Variants in DCUN1D4 observed in about 807,000 individuals in gnomAD.
DCUN1D4 encodes DCN1-like protein 4.
A neutral mutation model predicts 47.9 loss-of-function variants in DCUN1D4; 22 were observed. The ratio of observed to expected loss-of-function variants is 0.46; its 90% confidence interval spans 0.33 to 0.66. DCUN1D4 has a LOEUF of 0.66. DCUN1D4 is among the 30% of genes least tolerant of loss of function. The pLI is 0.02. For synonymous variants in DCUN1D4, 121 were observed against 112.2 expected (o/e 1.08, Z -0.50); for missense variants, 301 against 340.8 (o/e 0.88, Z 0.92).
intron 7 of DCUN1D4, among the ~76,000 whole-genome samples, chr4:51,895,429 GA>G (rs1731091775): frequency 6.6e-6 from 1 of 151,948 alleles, no homozygotes; most frequent in Non-Finnish European, 1.5e-5. Context: ...TGGGTGGTAT[GA>G]GAGTTTGGAC....
Position 51,848,840 on chromosome 4 carries a change from T to C in DCUN1D4, c.25+5573T>C, listed in dbSNP as rs114037789. ...TGTTCAATCTAGGAAGATAGGCTTG[T>C]CATTTGTAACTAATGTACTGAAAAA... is the stretch of plus-strand genomic sequence containing the variant. On this transcript the variant is annotated intron_variant, in intron 1 of 10. Transcript: ENST00000334635. Among the ~76,000 whole-genome samples the C allele has an allele frequency of 6.0e-3, 917 of 152,334 alleles. 4 individuals carry two copies. Among genetic ancestry groups the C allele is most frequent in the Non-Finnish European group, 9.5e-3 (644 of 68,024 alleles).
chr4:51,907,922 A>C (rs1733140880), intron 8 of DCUN1D4, among the ~76,000 whole-genome samples: 1 of 152,202 alleles, frequency 6.6e-6, no homozygotes, highest in Non-Finnish European at 1.5e-5. Flanking sequence ...GTCACCTTTT[A>C]GAGGAGAACC....
At chr4:51,888,637 T>G (rs902188577) in intron 6 of DCUN1D4, among the ~76,000 whole-genome samples, 5 of 150,654 alleles carry the variant, frequency 3.3e-5, no homozygotes, top group Admixed American at 2.0e-4. Context: ...GAGAATCGCT[T>G]GAACCCAGGA....
intron 1 of DCUN1D4, among the ~76,000 whole-genome samples, chr4:51,857,246 A>G (rs1183018308): frequency 6.6e-6 from 1 of 152,034 alleles, no homozygotes; most frequent in East Asian, 1.9e-4. Context: ...TGTAAGCTAA[A>G]TATCTATTTT....
chr4:51,887,170 G>A (rs1286214794), intron 6 of DCUN1D4: 5 of 441,932 alleles, frequency 1.1e-5, no homozygotes, highest in African/African-American at 6.1e-5. Context: ...GTATGATGTC[G>A]GCTCACTGCA....
intron 4 of DCUN1D4, 29 bp downstream of exon 4, chr4:51,874,414 C>A: frequency 6.6e-7 from 1 of 1,525,636 alleles, no homozygotes; most frequent in Non-Finnish European, 9.0e-7. Flanking sequence ...AGATCAGAAT[C>A]AGTGATACAT....
chr4:51,877,954 G>GT, intron 5 of DCUN1D4, 100 bp downstream of exon 5: 1 of 731,042 alleles, frequency 1.4e-6, no homozygotes, highest in Non-Finnish European at 2.1e-6. Flanking sequence ...TTCAAATTTG[G>GT]GTGTGTGTGT....
chr4:51,847,661 G>T (rs749535587), intron 1 of DCUN1D4, among the ~76,000 whole-genome samples: 8 of 148,084 alleles, frequency 5.4e-5, no homozygotes, highest in Non-Finnish European at 1.0e-4. Context: ...TTGTTATGTT[G>T]CCTAGGCTGG....
intron 5 of DCUN1D4, among the ~76,000 whole-genome samples, chr4:51,881,572 A>C (rs1027728646): frequency 2.7e-5 from 4 of 150,376 alleles, no homozygotes; most frequent in Non-Finnish European, 5.9e-5. Flanking sequence ...TTCTTTCTGG[A>C]TTATTGTCAG....
intron 7 of DCUN1D4, among the ~76,000 whole-genome samples, chr4:51,898,673 A>G (rs1450172148): frequency 6.6e-6 from 1 of 152,214 alleles, no homozygotes; most frequent in Non-Finnish European, 1.5e-5. Flanking sequence ...TTGGATCTAA[A>G]TATAATCATA....
chr4:51,836,994 G>T, the DCUN1D4 span, among the ~76,000 whole-genome samples: 102 of 152,266 alleles, frequency 6.7e-4, 1 homozygote. Context: ...CAAATAAAAT[G>T]ATTATTCTTT....
At chr4:51,877,694 A>G in intron 4 of DCUN1D4, 69 bp from the exon 5 acceptor site, 8 of 948,966 alleles carry the variant, frequency 8.4e-6, no homozygotes, top group East Asian at 2.4e-5. Flanking sequence ...GTAAAAGAAT[A>G]TAAATTATCT....
At chr4:51,888,240 G>T (rs1729829537) in intron 6 of DCUN1D4, among the ~76,000 whole-genome samples, 2 of 152,104 alleles carry the variant, frequency 1.3e-5, no homozygotes, top group South Asian at 4.1e-4. Context: ...AAGACTGGGA[G>T]ACAAAGGGCT....
intron 1 of DCUN1D4, chr4:51,843,476 C>T (rs1721918248): frequency 3.3e-6 from 4 of 1,222,682 alleles, no homozygotes; most frequent in Non-Finnish European, 4.2e-6. Context: ...AAGGGACCGG[C>T]CTGCGGGGAG....
Position 51,899,381 on chromosome 4 carries a change from G to A in DCUN1D4, c.615+3G>A. ...GATATGCGTTTGACTTTGCACGGGT[G>A]AGTTCTCTGGAGCCTATCCAGATGT... is the stretch of plus-strand genomic sequence containing the variant. On this transcript the variant is annotated splice_donor_region_variant and intron_variant, in intron 8 of 10. Transcript: ENST00000334635. The A allele has an allele frequency of 6.2e-7, 1 of 1,601,186 alleles. No individual in the cohort carries two copies. The highest frequency in any genetic ancestry group is 1.1e-5 in the South Asian group (1 of 88,944).
At chr4:51,872,136 CTG>C (rs1005222894) in intron 3 of DCUN1D4, among the ~76,000 whole-genome samples, 3 of 152,346 alleles carry the variant, frequency 2.0e-5, no homozygotes, top group African/African-American at 7.2e-5. Flanking sequence ...CTGTCCAAGA[CTG>C]GGGTCTGGGA....
chr4:51,894,503 A>G (rs766283358), intron 7 of DCUN1D4, among the ~76,000 whole-genome samples: 76 of 151,994 alleles, frequency 5.0e-4, no homozygotes, highest in Non-Finnish European at 9.6e-4. Flanking sequence ...GATAAAGTCC[A>G]TTAAGAGGAG....
chr4:51,857,123 C>T (rs567910493), intron 1 of DCUN1D4, among the ~76,000 whole-genome samples: 3 of 152,264 alleles, frequency 2.0e-5, no homozygotes, highest in African/African-American at 2.4e-5. Flanking sequence ...TGTCATGTCT[C>T]GTGCTCATTA....
At position 51,869,424 on chromosome 4, in the gene DCUN1D4, G is replaced by A. The variant is rs543101991; in HGVS notation, c.137-4847G>A. Reference sequence around the variant, plus strand: ...GTACTGAAGTGGCAGAATGAGCTCCGTAAAATGTTAGTAAGTGAAACAAGG... The same window carrying A: ...GTACTGAAGTGGCAGAATGAGCTCCATAAAATGTTAGTAAGTGAAACAAGG... On this transcript the variant is annotated intron_variant, in intron 3 of 10. Coordinates refer to ENST00000334635, the MANE Select transcript of DCUN1D4 (RefSeq NM_001040402.3). 3.3e-5 allele frequency among the ~76,000 whole-genome samples: 5 copies of A among 152,240 alleles called. No homozygotes were observed. The East Asian group carries it at 5.8e-4, about 18-fold the overall frequency.
Sources: allele counts gnomAD v4.1 joint callset (sites outside exome capture counted in the v4.1 genomes callset), GRCh38; gene constraint gnomAD v4.1.1; transcripts MANE v1.5; gene names NCBI Gene and HGNC (gene_info 2026-07-23, HGNC 2026-07-21).